The following SLC14A2 variants were observed in gnomAD, a reference collection of about 807,000 sequenced individuals.
SLC14A2 encodes the protein solute carrier family 14 member 2.
A neutral mutation model predicts 104.6 loss-of-function variants in SLC14A2; 91 were observed. The observed-to-expected ratio is 0.87, with a 90% confidence interval of 0.73 to 1.04. SLC14A2 has a LOEUF of 1.04. Ranked by LOEUF, SLC14A2 falls within the 50% of genes least tolerant of loss-of-function variation. The pLI is 0.00. For missense variants in SLC14A2, 1,189 were observed against 1,156.0 expected, an observed-to-expected ratio of 1.03 and a Z score of -0.41; for synonymous variants, 476 against 466.4, an observed-to-expected ratio of 1.02 and a Z score of -0.27.
At chr18:45,658,034 G>GA (rs1174144603) in intron 10 of SLC14A2, among the ~76,000 whole-genome samples, 26 of 149,612 alleles carry the variant, frequency 1.7e-4, no homozygotes, top group South Asian at 4.2e-4. Context: ...ACTGGTTGTA[G>GA]AAAAAAAAAA....
chr18:45,481,681 A>G (rs1348859521), intron 1 of SLC14A2, among the ~76,000 whole-genome samples: 1 of 152,226 alleles, frequency 6.6e-6, no homozygotes, highest in Non-Finnish European at 1.5e-5. Flanking sequence ...GTGCAACTGA[A>G]AAAAAACAGG....
upstream of SLC14A2, among the ~76,000 whole-genome samples, chr18:45,613,268 C>T (rs112168782): frequency 2.6e-5 from 4 of 152,208 alleles, no homozygotes; most frequent in South Asian, 2.1e-4. Context: ...GTGATCCGCC[C>T]GCCTCAGCCT....
intron 1 of SLC14A2, among the ~76,000 whole-genome samples, chr18:45,306,574 T>A (rs2085023769): frequency 6.6e-6 from 1 of 152,216 alleles, no homozygotes; most frequent in Non-Finnish European, 1.5e-5. Flanking sequence ...GATGAAATAC[T>A]ATTCCTCATT....
chr18:45,571,238 G>GACAA (rs1166641041), intron 2 of SLC14A2, among the ~76,000 whole-genome samples: 3 of 152,220 alleles, frequency 2.0e-5, no homozygotes, highest in East Asian at 3.8e-4. Context: ...ATGTCAATTT[G>GACAA]ACAAACATTT....
intron 11 of SLC14A2, among the ~76,000 whole-genome samples, chr18:45,665,715 T>TTTTTTTTTC (rs1568000692): frequency 1.1e-5 from 1 of 94,230 alleles, no homozygotes. Flanking sequence ...TTTTTTTTTT[T>TTTTTTTTTC]TGTTCACCTT....
intron 1 of SLC14A2, among the ~76,000 whole-genome samples, chr18:45,436,100 T>C (rs1415407392): frequency 6.6e-6 from 1 of 152,128 alleles, no homozygotes; most frequent in Non-Finnish European, 1.5e-5. Flanking sequence ...CACTTCGAGT[T>C]TTGTGTTACA....
intron 1 of SLC14A2, among the ~76,000 whole-genome samples, chr18:45,328,461 G>C (rs2085257789): frequency 6.6e-6 from 1 of 152,186 alleles, no homozygotes; most frequent in Non-Finnish European, 1.5e-5. Flanking sequence ...CTGAGGTTAT[G>C]CCCTGAGACA....
At chr18:45,293,207 T>A (rs2084887209) in intron 1 of SLC14A2, among the ~76,000 whole-genome samples, 1 of 152,176 alleles carries the variant, frequency 6.6e-6, no homozygotes. Flanking sequence ...AACACTCCAG[T>A]GTGTGTGCTT....
intron 1 of SLC14A2, among the ~76,000 whole-genome samples, chr18:45,478,654 G>T (rs151091239): frequency 1.3e-5 from 2 of 152,118 alleles, no homozygotes; most frequent in African/African-American, 2.4e-5. Context: ...AAAGGAAGGC[G>T]TGAAGAGCCA....
At chr18:45,665,845 G>A (rs960594916) in intron 11 of SLC14A2, among the ~76,000 whole-genome samples, 3 of 151,854 alleles carry the variant, frequency 2.0e-5, no homozygotes, top group African/African-American at 4.8e-5. Context: ...CTAAATGAGG[G>A]CTTCTTAATT....
At chr18:45,323,181 C>T (rs528848533) in intron 1 of SLC14A2, among the ~76,000 whole-genome samples, 1 of 152,266 alleles carries the variant, frequency 6.6e-6, no homozygotes, top group East Asian at 1.9e-4. Flanking sequence ...TATCTATGTT[C>T]ATTGATGCAT....
At chr18:45,629,137 T>A (rs2045306079) in intron 4 of SLC14A2, among the ~76,000 whole-genome samples, 1 of 152,138 alleles carries the variant, frequency 6.6e-6, no homozygotes. Context: ...CCCAAAGTAA[T>A]CAGAGCTGGA....
chr18:45,577,593 C>T (rs188718442), intron 2 of SLC14A2, among the ~76,000 whole-genome samples: 2 of 152,242 alleles, frequency 1.3e-5, no homozygotes, highest in Admixed American at 1.3e-4. Context: ...GTGCTAAATC[C>T]AATTGCCCAT....
At chr18:45,224,649 T>A (rs2084096163) in intron 1 of SLC14A2, among the ~76,000 whole-genome samples, 1 of 152,208 alleles carries the variant, frequency 6.6e-6, no homozygotes, top group African/African-American at 2.4e-5. Flanking sequence ...AAGCATTGTA[T>A]GTTCATTATC....
At chr18:45,283,700 T>C (rs1010403437) in intron 1 of SLC14A2, among the ~76,000 whole-genome samples, 1 of 152,202 alleles carries the variant, frequency 6.6e-6, no homozygotes, top group African/African-American at 2.4e-5. Context: ...CAATTCTGAG[T>C]TCAGTAAGAA....
At chr18:45,387,538 A>T (rs2085911148) in intron 1 of SLC14A2, among the ~76,000 whole-genome samples, 1 of 152,208 alleles carries the variant, frequency 6.6e-6, no homozygotes, top group South Asian at 2.1e-4. Context: ...TGAATAACTG[A>T]TAGGATATAT....
At chr18:45,236,934 G>T (rs1375298287) in intron 1 of SLC14A2, among the ~76,000 whole-genome samples, 1 of 152,042 alleles carries the variant, frequency 6.6e-6, no homozygotes, top group Non-Finnish European at 1.5e-5. Context: ...GAAACTGTTG[G>T]TCTAGTCTCA....
intron 1 of SLC14A2, among the ~76,000 whole-genome samples, chr18:45,426,694 T>TAC (rs1328486756): frequency 5.4e-4 from 49 of 90,254 alleles, no homozygotes; most frequent in African/African-American, 1.2e-3. Flanking sequence ...CATATATACA[T>TAC]ACATACACAC....
chr18:45,466,264 G>A (rs769903269), intron 1 of SLC14A2, among the ~76,000 whole-genome samples: 4 of 151,966 alleles, frequency 2.6e-5, no homozygotes, highest in Non-Finnish European at 5.9e-5. Flanking sequence ...TGAGTACAGA[G>A]GGGTGTGGTA....
Sources: gnomAD v4.1 joint callset for allele counts (sites outside exome capture counted in the v4.1 genomes callset) on GRCh38, gnomAD v4.1.1 for gene constraint, MANE v1.5 for transcripts, NCBI Gene and HGNC (gene_info 2026-07-23, HGNC 2026-07-21) for gene names.